Variants in STK4 observed in about 807,000 individuals in gnomAD.
STK4 encodes serine/threonine-protein kinase 4.
Under a neutral mutation model 64.9 loss-of-function variants are expected in STK4, and 30 were observed. The ratio of observed to expected loss-of-function variants is 0.46; its 90% CI spans 0.35 to 0.63. The LOEUF (loss-of-function observed/expected upper bound fraction) is 0.63. Ranked by LOEUF, STK4 falls within the 20% of genes least tolerant of loss-of-function variation. The pLI is 0.01. For missense variants in STK4, 466 were observed against 598.5 expected, an observed-to-expected ratio of 0.78 and a Z score of 2.31; for synonymous variants, 177 against 199.0, an observed-to-expected ratio of 0.89 and a Z score of 0.93.
chr20:44,993,592 G>T (rs2067674287), intron 5 of STK4, among the ~76,000 whole-genome samples: 1 of 152,212 alleles, frequency 6.6e-6, no homozygotes, highest in Non-Finnish European at 1.5e-5. Flanking sequence ...CCTGTCATTT[G>T]CTTCTGACTG....
At chr20:45,004,240 C>G (rs966731437) in intron 9 of STK4, 2 of 150,698 alleles carry the variant, frequency 1.3e-5, no homozygotes, top group Non-Finnish European at 3.0e-5. Flanking sequence ...GGATTACAGG[C>G]GTGTGCCACC....
chr20:45,017,247 A>G lies in STK4; in HGVS notation c.1148-7726A>G, dbSNP rs558042204. Among the ~76,000 whole-genome samples the G allele has an allele frequency of 2.0e-5, 3 of 152,222 alleles. No individual in the cohort carries two copies. In the South Asian group the frequency reaches 6.2e-4, roughly 31 times the overall value. ...ATTATCATTATCTAATACTTATGGC[A>G]TGTGTACTGTTCTAATTGTTCTAAT... On this transcript the variant is annotated intron_variant, in intron 9 of 10. Coordinates refer to ENST00000372806, the MANE Select transcript of STK4 (RefSeq NM_006282.5).
At chr20:45,063,036 C>CTG in intron 10 of STK4, among the ~76,000 whole-genome samples, 1 of 98,972 alleles carries the variant, frequency 1.0e-5, no homozygotes, top group Middle Eastern at 0.011. Flanking sequence ...AGGGTCTTGC[C>CTG]TGTGTCACTC....
intron 10 of STK4, among the ~76,000 whole-genome samples, chr20:45,047,635 A>G (rs1600533972): frequency 1.3e-5 from 2 of 152,346 alleles, no homozygotes; most frequent in South Asian, 4.1e-4. Flanking sequence ...TGGAATTTAG[A>G]TTTCTTCCCT....
intron 3 of STK4, among the ~76,000 whole-genome samples, chr20:44,981,250 G>A (rs909323514): frequency 4.6e-5 from 7 of 152,024 alleles, no homozygotes; most frequent in African/African-American, 9.7e-5. Flanking sequence ...TACCTCCTGG[G>A]TTCAAACAAT....
intron 1 of STK4, chr20:44,967,203 T>A (rs1002982761): frequency 1.0e-6 from 1 of 985,280 alleles, no homozygotes; most frequent in African/African-American, 1.7e-5. Context: ...CATCTTTTAT[T>A]ACTGATGTTC....
chr20:45,068,119 A>G (rs1274330966), intron 10 of STK4, among the ~76,000 whole-genome samples: 5 of 152,228 alleles, frequency 3.3e-5, no homozygotes, highest in Non-Finnish European at 7.3e-5. Context: ...GCTGTTGTAG[A>G]ACGAATAATG....
intron 5 of STK4, among the ~76,000 whole-genome samples, chr20:44,993,950 G>T (rs1180346045): frequency 6.6e-6 from 1 of 150,536 alleles, no homozygotes; most frequent in Non-Finnish European, 1.5e-5. Flanking sequence ...CTTCACTCCA[G>T]CCTGGGCAGA....
chr20:45,046,531 A>G (rs1437384701), intron 10 of STK4, among the ~76,000 whole-genome samples: 3 of 151,308 alleles, frequency 2.0e-5, no homozygotes, highest in South Asian at 2.1e-4. Flanking sequence ...AATATTTGAT[A>G]TATTTTCTGG....
At chr20:45,047,107 A>C (rs1156446324) in intron 10 of STK4, among the ~76,000 whole-genome samples, 1 of 152,174 alleles carries the variant, frequency 6.6e-6, no homozygotes, top group Non-Finnish European at 1.5e-5. Flanking sequence ...GACTAACTAC[A>C]TTTTGGATTT....
At chr20:45,056,317 C>G (rs1978480180) in intron 10 of STK4, among the ~76,000 whole-genome samples, 2 of 152,270 alleles carry the variant, frequency 1.3e-5, no homozygotes, top group South Asian at 4.1e-4. Context: ...TTTGTCTTTT[C>G]TGGGATGTCA....
At chr20:45,005,361 AGCAGCTGGGCGCTGTG>A (rs1324502244) in intron 9 of STK4, among the ~76,000 whole-genome samples, 3 of 151,912 alleles carry the variant, frequency 2.0e-5, no homozygotes, top group Non-Finnish European at 4.4e-5. Flanking sequence ...AAAAAACATT[AGCAGCTGGGCGCTGTG>A]GCTCACGCCT....
intron 10 of STK4, among the ~76,000 whole-genome samples, chr20:45,025,878 G>A (rs6103964): frequency 6.6e-6 from 1 of 152,174 alleles, no homozygotes; most frequent in Non-Finnish European, 1.5e-5. Flanking sequence ...AATTCTGGTA[G>A]GCCTGTCTAG....
intron 5 of STK4, among the ~76,000 whole-genome samples, chr20:44,992,757 C>T (rs765980113): frequency 5.9e-5 from 9 of 152,002 alleles, no homozygotes; most frequent in Non-Finnish European, 1.3e-4. Flanking sequence ...GACAGTAGCG[C>T]AATCTTGGCT....
At chr20:45,020,366 T>A (rs1473737937) in intron 9 of STK4, among the ~76,000 whole-genome samples, 1 of 152,090 alleles carries the variant, frequency 6.6e-6, no homozygotes, top group Non-Finnish European at 1.5e-5. Context: ...ATTTAGTGAA[T>A]GTTAGTTAAA....
At chr20:45,020,485 T>G (rs2068228436) in intron 9 of STK4, among the ~76,000 whole-genome samples, 1 of 150,158 alleles carries the variant, frequency 6.7e-6, no homozygotes. Context: ...TGTTTATGTT[T>G]ATGTTTATGT....
chr20:44,971,665 C>CTTTTTT (rs71197585), intron 1 of STK4, among the ~76,000 whole-genome samples: 23 of 90,370 alleles, frequency 2.5e-4, no homozygotes, highest in Middle Eastern at 9.6e-3. Context: ...AGCCACATGA[C>CTTTTTT]TTTTTTTTTT....
At chr20:45,052,360 A>T (rs1224154814) in intron 10 of STK4, among the ~76,000 whole-genome samples, 1 of 152,222 alleles carries the variant, frequency 6.6e-6, no homozygotes, top group Non-Finnish European at 1.5e-5. Context: ...AGCTGAGATC[A>T]TTCTGCATGC....
intron 2 of STK4, among the ~76,000 whole-genome samples, chr20:44,977,473 C>A (rs1052298136): frequency 1.3e-5 from 2 of 151,900 alleles, no homozygotes; most frequent in African/African-American, 4.8e-5. Context: ...TGACAGCTGC[C>A]CAGGATTCCA....
Sources: allele counts gnomAD v4.1 joint callset (sites outside exome capture counted in the v4.1 genomes callset), GRCh38; gene constraint gnomAD v4.1.1; transcripts MANE v1.5; gene names NCBI Gene and HGNC (gene_info 2026-07-23, HGNC 2026-07-21).